Variants in RIMS1 observed in about 807,000 individuals in gnomAD.
RIMS1 encodes regulating synaptic membrane exocytosis 1, also known as regulating synaptic membrane exocytosis protein 1.
RIMS1 carries 83 observed loss-of-function variants against 214.1 expected under a neutral mutation model. The observed-to-expected ratio is 0.39, with a 90% CI of 0.32 to 0.47. The LOEUF is 0.47. Among genes scored for constraint, RIMS1 ranks in the 20% least tolerant of loss-of-function variants. RIMS1 has a pLI of 0.99. For synonymous variants in RIMS1, 793 were observed against 786.8 expected (o/e 1.01, Z -0.13); for missense variants, 2,050 against 2,161.8 (o/e 0.95, Z 1.03).
rs140329476 is a variant in RIMS1, at chr6:72,105,073, G to C, written c.471+5087G>C. 4.0e-3 allele frequency among the ~76,000 whole-genome samples: 608 copies of C among 151,966 alleles called. 1 individual carries two copies. Among genetic ancestry groups the C allele is most frequent in the African/African-American group, 0.013 (559 of 41,488 alleles). ...AGTCTCCTGAGCAGCTAGGACCACA[G>C]GTGTGTCTGGCTAATTAAAAAAAAT... On this transcript the variant is annotated intron_variant, in intron 4 of 33. Transcript: ENST00000521978.
chr6:72,187,273 G>C lies in RIMS1; in HGVS notation c.1678+4124G>C, dbSNP rs937779808. 2.0e-5 allele frequency among the ~76,000 whole-genome samples: 3 copies of C among 152,080 alleles called. No homozygotes were observed. The South Asian group carries it at 6.2e-4, about 32-fold the overall frequency. ...TTTGGAATGTAATATATGTATATGG[G>C]ATCAGTCAGCTCACCTTCCAATGAC... On this transcript the variant is annotated intron_variant, in intron 6 of 33. Transcript: ENST00000521978.
intron 2 of RIMS1, among the ~76,000 whole-genome samples, chr6:72,011,949 A>G (rs7738587): frequency 0.12 from 18,206 of 152,222 alleles, 1,241 homozygotes; most frequent in South Asian, 0.17. Flanking sequence ...AGAACTAGAA[A>G]TATCATTTGA....
At chr6:72,332,984 T>G (rs2096722952) in intron 28 of RIMS1, among the ~76,000 whole-genome samples, 1 of 151,732 alleles carries the variant, frequency 6.6e-6, no homozygotes, top group Non-Finnish European at 1.5e-5. Flanking sequence ...AAGAAGTTTG[T>G]GTGGAGGAAG....
chr6:72,083,418 G>C (rs1833900147), intron 2 of RIMS1, among the ~76,000 whole-genome samples: 1 of 152,004 alleles, frequency 6.6e-6, no homozygotes, highest in Non-Finnish European at 1.5e-5. Context: ...ACCAGTGGTT[G>C]TATCTTCTGG....
At chr6:72,051,429 T>G (rs901891428) in intron 2 of RIMS1, among the ~76,000 whole-genome samples, 1 of 152,206 alleles carries the variant, frequency 6.6e-6, no homozygotes, top group Non-Finnish European at 1.5e-5. Context: ...AGAGTTTGTC[T>G]TGTCTGTCCA....
At chr6:72,122,556 A>G (rs1326707016) in intron 4 of RIMS1, among the ~76,000 whole-genome samples, 2 of 151,692 alleles carry the variant, frequency 1.3e-5, no homozygotes, top group East Asian at 1.9e-4. Context: ...GAATGGTACC[A>G]GCTCCTCTTT....
chr6:72,233,685 C>A (rs1254883008), intron 6 of RIMS1, 88 bp from the exon 7 acceptor site: 2 of 965,568 alleles, frequency 2.1e-6, no homozygotes, highest in African/African-American at 3.2e-5. Flanking sequence ...GATATTAAAA[C>A]TCTTTATAGA....
chr6:72,171,395 C>A (rs1296873740), intron 4 of RIMS1, among the ~76,000 whole-genome samples: 2 of 149,894 alleles, frequency 1.3e-5, no homozygotes, highest in Non-Finnish European at 3.0e-5. Context: ...TGCACACATA[C>A]ACACACACAC....
intron 23 of RIMS1, among the ~76,000 whole-genome samples, chr6:72,277,178 C>T (rs942486413): frequency 3.3e-5 from 5 of 152,184 alleles, no homozygotes; most frequent in African/African-American, 1.2e-4. Context: ...CACAGACACA[C>T]AATTTTTAGA....
chr6:72,295,064 A>G (rs1274463316), intron 26 of RIMS1, among the ~76,000 whole-genome samples: 2 of 151,834 alleles, frequency 1.3e-5, no homozygotes, highest in Non-Finnish European at 3.0e-5. Context: ...GAAGCCAACC[A>G]GTAACTTTTT....
intron 23 of RIMS1, among the ~76,000 whole-genome samples, chr6:72,279,783 C>A (rs1250396566): frequency 2.0e-5 from 3 of 151,950 alleles, no homozygotes; most frequent in African/African-American, 7.2e-5. Context: ...TAAGGTCTAT[C>A]ATAGCTTGGA....
intron 4 of RIMS1, among the ~76,000 whole-genome samples, chr6:72,115,367 A>G (rs188401179): frequency 4.6e-4 from 70 of 152,084 alleles, no homozygotes; most frequent in African/African-American, 1.6e-3. Flanking sequence ...TATTTTTGCT[A>G]TCCTTCGTAT....
chr6:72,355,233 A>C (rs1391593405), intron 29 of RIMS1, among the ~76,000 whole-genome samples: 2 of 152,120 alleles, frequency 1.3e-5, no homozygotes, highest in Non-Finnish European at 2.9e-5. Context: ...ATTGTCTCTA[A>C]ACTTTTATAT....
intron 25 of RIMS1, 75 bp downstream of exon 25, chr6:72,290,936 A>T (rs2093300029): frequency 7.3e-7 from 1 of 1,364,614 alleles, no homozygotes; most frequent in African/African-American, 1.4e-5. Context: ...CTTCCTGAGC[A>T]CTTGAAGCTT....
chr6:72,094,133 A>C (rs2030283431), intron 2 of RIMS1, among the ~76,000 whole-genome samples: 1 of 113,230 alleles, frequency 8.8e-6, no homozygotes, highest in South Asian at 3.2e-4. Flanking sequence ...TTTTTTCTCA[A>C]AACAGACTAA....
intron 6 of RIMS1, among the ~76,000 whole-genome samples, chr6:72,219,284 A>G (rs1019541738): frequency 6.6e-6 from 1 of 152,146 alleles, no homozygotes; most frequent in Non-Finnish European, 1.5e-5. Context: ...GAAAACTTTT[A>G]AATACTTATC....
intron 19 of RIMS1, among the ~76,000 whole-genome samples, chr6:72,264,748 ATAAT>A (rs1330014659): frequency 2.0e-5 from 3 of 152,254 alleles, no homozygotes; most frequent in Non-Finnish European, 4.4e-5. Flanking sequence ...TCTAATTCAG[ATAAT>A]TAAATAATAA....
intron 1 of RIMS1, among the ~76,000 whole-genome samples, chr6:71,952,914 T>C (rs942088221): frequency 3.3e-5 from 5 of 151,912 alleles, no homozygotes; most frequent in African/African-American, 1.2e-4. Context: ...TTGTTCCATG[T>C]GTTTCAGGTT....
intron 2 of RIMS1, among the ~76,000 whole-genome samples, chr6:72,022,690 G>A (rs1815098395): frequency 6.6e-6 from 1 of 151,992 alleles, no homozygotes; most frequent in East Asian, 1.9e-4. Flanking sequence ...TGAGATTTTT[G>A]GATAGGCTTT....
Sources: allele counts gnomAD v4.1 joint callset (sites outside exome capture counted in the v4.1 genomes callset), GRCh38; gene constraint gnomAD v4.1.1; transcripts MANE v1.5; gene names NCBI Gene and HGNC (gene_info 2026-07-23, HGNC 2026-07-21).